The following ABLIM2 variants were observed in gnomAD, a reference collection of about 807,000 sequenced individuals.
The protein encoded by ABLIM2 is actin-binding LIM protein 2.
ABLIM2 carries 53 observed loss-of-function variants against 97.7 expected under a neutral mutation model. That is an observed-to-expected ratio of 0.54 (90% confidence interval 0.44 to 0.68). The LOEUF is 0.68. Ranked by LOEUF, ABLIM2 falls within the 30% of genes least tolerant of loss-of-function variation. ABLIM2 has a pLI of 0.00. For synonymous variants in ABLIM2, 361 were observed against 345.8 expected (o/e 1.04, Z -0.49); for missense variants, 835 against 867.2 (o/e 0.96, Z 0.47).
intron 9 of ABLIM2, among the ~76,000 whole-genome samples, chr4:8,037,488 C>T (rs1004030469): frequency 6.6e-6 from 1 of 151,924 alleles, no homozygotes; most frequent in Non-Finnish European, 1.5e-5. Flanking sequence ...ATGCCCACAC[C>T]CACACACTGA....
At position 8,075,385 on chromosome 4, in the gene ABLIM2, T is replaced by G. The variant is rs73074096; in HGVS notation, c.675+2243A>C. On this transcript the variant is annotated intron_variant, in intron 6 of 20. Transcript: ENST00000447017. This position sits in a 1 kb window ranked among gnomAD's most constrained non-coding sequence, Gnocchi z 4.4. ...TGGAGATGGCTGCAAATATCTATGGTTATTGATAAAGAAAACCATTGAATG... is the reference window on the plus strand; with the variant it reads ...TGGAGATGGCTGCAAATATCTATGGGTATTGATAAAGAAAACCATTGAATG... Among the ~76,000 whole-genome samples the G allele has an allele frequency of 0.2, 30,816 of 151,992 alleles. 3,308 individuals are homozygous for G. Among genetic ancestry groups the G allele is most frequent in the South Asian group, 0.36 (1,728 of 4,816 alleles).
intron 1 of ABLIM2, among the ~76,000 whole-genome samples, chr4:8,153,871 C>G (rs1714031228): frequency 6.6e-6 from 1 of 152,238 alleles, no homozygotes. Context: ...ACGGCACTTC[C>G]CGACATTGCC....
chr4:7,973,629 A>G (rs1730125419), intron 20 of ABLIM2, among the ~76,000 whole-genome samples: 1 of 152,212 alleles, frequency 6.6e-6, no homozygotes, highest in African/African-American at 2.4e-5. Flanking sequence ...CCTAAGAGCA[A>G]TGGCATTTAT....
chr4:8,109,368 G>C (rs975565215), intron 1 of ABLIM2, among the ~76,000 whole-genome samples: 1 of 152,238 alleles, frequency 6.6e-6, no homozygotes, highest in Admixed American at 6.5e-5. Context: ...GCGTATTCAC[G>C]CACAGACGTA....
chr4:8,089,608 A>G (rs1825932213), intron 3 of ABLIM2, among the ~76,000 whole-genome samples: 1 of 151,776 alleles, frequency 6.6e-6, no homozygotes. Context: ...GGTGGTGTGC[A>G]CTTGTAATCC....
chr4:8,138,229 A>C (rs143937043), intron 1 of ABLIM2, among the ~76,000 whole-genome samples: 1 of 152,140 alleles, frequency 6.6e-6, no homozygotes, highest in East Asian at 1.9e-4. Flanking sequence ...GGTTCTATGG[A>C]TAGACAGTGA....
At chr4:8,153,364 A>G (rs1477020759) in intron 1 of ABLIM2, among the ~76,000 whole-genome samples, 1 of 152,208 alleles carries the variant, frequency 6.6e-6, no homozygotes, top group Non-Finnish European at 1.5e-5. Flanking sequence ...CAGAAACCAT[A>G]AAGAGTCAAA....
At chr4:8,110,457 C>G (rs1839753642) in intron 1 of ABLIM2, among the ~76,000 whole-genome samples, 9 of 152,130 alleles carry the variant, frequency 5.9e-5, no homozygotes, top group Admixed American at 5.9e-4. Flanking sequence ...GTGTGTCTGT[C>G]TGTCTCTCCA....
intron 14 of ABLIM2, among the ~76,000 whole-genome samples, chr4:8,009,962 G>C (rs530853167): frequency 1.6e-4 from 25 of 152,344 alleles, no homozygotes; most frequent in African/African-American, 5.5e-4. Context: ...GTCCTTCCCT[G>C]TCTGCCACAC....
chr4:7,977,941 G>T (rs1734870910), intron 20 of ABLIM2, among the ~76,000 whole-genome samples: 1 of 152,098 alleles, frequency 6.6e-6, no homozygotes, highest in African/African-American at 2.4e-5. Context: ...TCCAAAATAG[G>T]ATTCAGTTAG....
chr4:8,057,098 C>CTTTTTTTT (rs11333108), intron 7 of ABLIM2, among the ~76,000 whole-genome samples: 2 of 130,140 alleles, frequency 1.5e-5, no homozygotes, highest in African/African-American at 2.8e-5. Context: ...TTCTTTCTTT[C>CTTTTTTTT]TTTTTTTTTT....
intron 12 of ABLIM2, among the ~76,000 whole-genome samples, chr4:8,025,067 C>T (rs1417997994): frequency 1.3e-5 from 2 of 152,176 alleles, no homozygotes; most frequent in African/African-American, 4.8e-5. Flanking sequence ...ATAGCTGGGA[C>T]CACAGGTGCG....
rs73077924 is a variant in ABLIM2 at position 8,150,508 on chromosome 4, G to T, written c.10+8172C>A. On this transcript the variant is annotated intron_variant, in intron 1 of 20. Coordinates refer to ENST00000447017, the MANE Select transcript of ABLIM2 (RefSeq NM_001130083.2). This position sits in a 1 kb window ranked among gnomAD's most constrained non-coding sequence, Gnocchi z 6.3. ...TGACACTGAGCACTTTTCTTGGTGC[G>T]CTGGCTGGACTCACATTTCCAGATC... Among the ~76,000 whole-genome samples, 8,792 of 152,284 alleles carry T rather than the reference G, an allele frequency of 0.058. 341 individuals are homozygous for T. The highest frequency in any genetic ancestry group is 0.1 in the African/African-American group (4,298 of 41,544).
rs971346830 is a variant in ABLIM2 at position 7,996,021 on chromosome 4, A to T, written c.1619-3094T>A. On this transcript the variant is annotated intron_variant, in intron 16 of 20. Coordinates refer to ENST00000447017, the MANE Select transcript of ABLIM2 (RefSeq NM_001130083.2). This position sits in a 1 kb window ranked among gnomAD's most constrained non-coding sequence, Gnocchi z 4.5. ...CCTTGCAGTCCTGGGGTCCTCCAGG[A>T]GACACCTTCCTCCTCCTTCATGCCC... is the stretch of plus-strand genomic sequence containing the variant. 5.3e-5 allele frequency among the ~76,000 whole-genome samples: 8 copies of T among 152,166 alleles called. No individual in the cohort carries two copies. Among genetic ancestry groups the T allele is most frequent in the African/African-American group, 1.9e-4 (8 of 41,526 alleles).
At position 8,063,254 on chromosome 4, in the gene ABLIM2, T is replaced by C. The variant is rs28693046; in HGVS notation, c.676-2200A>G. Among the ~76,000 whole-genome samples the C allele has an allele frequency of 6.6e-3, 999 of 152,248 alleles. 15 individuals are homozygous for C. The highest frequency in any genetic ancestry group is 0.022 in the African/African-American group (934 of 41,538). ...CTAATTTTTGTATTTTTAGTAGAGATGGGGTTTCACCATTGTTGGCCAGGA... is the reference window on the plus strand; with the variant it reads ...CTAATTTTTGTATTTTTAGTAGAGACGGGGTTTCACCATTGTTGGCCAGGA... On this transcript the variant is annotated intron_variant, in intron 6 of 20. Transcript: ENST00000447017.
At chr4:8,070,332 A>T (rs566181446) in intron 6 of ABLIM2, among the ~76,000 whole-genome samples, 1 of 151,650 alleles carries the variant, frequency 6.6e-6, no homozygotes, top group African/African-American at 2.4e-5. Context: ...CGTGTGCAAA[A>T]TCTGAAAGGA....
In ABLIM2 at chr4:7,986,459, T is replaced by A. The variant is rs1166311095; in HGVS notation, c.1681-1566A>T. On this transcript the variant is annotated intron_variant, in intron 17 of 20. Transcript: ENST00000447017. This position sits in a 1 kb window ranked among gnomAD's most constrained non-coding sequence, Gnocchi z 4.3. ...AAGCACCCAGGCAGAGGACTGGAAC[T>A]GGTCTCTATTTACATTTTTGCTATT... 2.0e-5 allele frequency among the ~76,000 whole-genome samples: 3 copies of A among 152,360 alleles called. No homozygotes were observed. In the East Asian group the frequency reaches 5.8e-4, roughly 29 times the overall value.
chr4:8,154,293 T>C (rs1714464467), intron 1 of ABLIM2, among the ~76,000 whole-genome samples: 2 of 145,566 alleles, frequency 1.4e-5, no homozygotes, highest in Non-Finnish European at 3.0e-5. Context: ...TTTTTTTTTT[T>C]TTTTTTGGAG....
In ABLIM2 at chr4:7,996,516, T is replaced by C. The variant is rs1366868743; in HGVS notation, c.1619-3589A>G. Among the ~76,000 whole-genome samples, 1 of 152,214 alleles carries C rather than the reference T, an allele frequency of 6.6e-6. No homozygotes were observed. The stretch of plus-strand genomic sequence containing the variant: ...CCTCCCCACTTTGACTATGATAGTC[T>C]CAGGGACGTCTTCTGTTTCCCCTGA... On this transcript the variant is annotated intron_variant, in intron 16 of 20. Transcript: ENST00000447017. The surrounding 1 kb of genome is among the most constrained non-coding windows in gnomAD (Gnocchi z 4.5).
Sources: allele counts gnomAD v4.1 joint callset (sites outside exome capture counted in the v4.1 genomes callset), GRCh38; gene constraint gnomAD v4.1.1; non-coding constraint Gnocchi (gnomAD v3.1); transcripts MANE v1.5; gene names NCBI Gene and HGNC (gene_info 2026-07-23, HGNC 2026-07-21).